The following CARS1 variants were observed in gnomAD, a reference collection of about 807,000 sequenced individuals.
The protein encoded by CARS1 is cysteinyl-tRNA synthetase 1.
In CARS1, 48 loss-of-function variants were observed where a neutral mutation model predicts 106.2. The observed-to-expected ratio is 0.45, with a 90% CI of 0.36 to 0.57. The LOEUF (loss-of-function observed/expected upper bound fraction) is 0.57. Ranked by LOEUF, CARS1 falls within the 20% of genes least tolerant of loss-of-function variation. CARS1 has a pLI of 0.00. For synonymous variants in CARS1, 409 were observed against 403.4 expected, an observed-to-expected ratio of 1.01 and a Z score of -0.17; for missense variants, 968 against 1,057.2, an observed-to-expected ratio of 0.92 and a Z score of 1.17.
In CARS1 at chr11:3,047,877, C is replaced by G. The variant is rs773191428; in HGVS notation, c.150G>C (p.Ala50=). 3 of 1,614,090 alleles carry G rather than the reference C, an allele frequency of 1.9e-6. No homozygotes were observed. The highest frequency in any genetic ancestry group is 1.7e-6 in the Non-Finnish European group (2 of 1,180,012). ...CGGGCGGGGCCGAGAGCTGCCTGAA[C>G]GCGTCCACGTCTGCCTGGGACAGTG... ...GYSLSQADVD[A]FRQLSAPPAD... Residue 50 remains alanine, a synonymous_variant, in exon 2 of 23, where the codon GCG becomes GCC. Coordinates refer to ENST00000380525, the MANE Select transcript of CARS1 (RefSeq NM_001014437.3).
In CARS1 at chr11:3,004,231, C is replaced by T. The variant is rs1248070101; in HGVS notation, c.2217+1135G>A. On this transcript the variant is annotated intron_variant, in intron 20 of 22. Transcript: ENST00000380525. This position sits in a 1 kb window ranked among gnomAD's most constrained non-coding sequence, Gnocchi z 5.2. ...TGCCAACCAGGATGGACCTGCAGAC[C>T]ACTCACCACTGTCTAGAGCTTTCCC... Among the ~76,000 whole-genome samples, 1 of 152,212 alleles carries T rather than the reference C, an allele frequency of 6.6e-6. No homozygotes were observed. The highest frequency in any genetic ancestry group is 6.5e-5 in the Admixed American group (1 of 15,282).
chr11:3,035,443 A>G (rs1391961538), intron 7 of CARS1, among the ~76,000 whole-genome samples: 1 of 152,238 alleles, frequency 6.6e-6, no homozygotes, highest in Non-Finnish European at 1.5e-5. Context: ...AATACACAGC[A>G]CACCCAAAAT....
At chr11:3,006,991 A>T (rs766904382) in intron 18 of CARS1, 32 bp from the exon 19 acceptor site, 2 of 1,574,096 alleles carry the variant, frequency 1.3e-6, no homozygotes. Context: ...TCCCTCAGAC[A>T]TGGAGGAGCC....
At position 3,018,426 on chromosome 11, in the gene CARS1, T is replaced by C. The variant is rs571697572; in HGVS notation, c.1611A>G (p.Gln537=). ...GACTCACATTCAAGAACTTCTCATA[T>C]TGAAGCGCTGACTCCATGGTGTTGC... ...YSSNTMESAL[Q]YEKFLNEFFL... is the part of the protein sequence containing the mutation. The change falls in exon 14 of 23, where the codon CAA becomes CAG. Residue 537 remains glutamine (Q), a synonymous_variant. Coordinates refer to ENST00000380525, the MANE Select transcript of CARS1 (RefSeq NM_001014437.3). 1.3e-4 allele frequency: 213 copies of C among 1,613,476 alleles called. No individual in the cohort carries two copies. In the South Asian group the frequency reaches 1.5e-3, roughly 11 times the overall value.
In CARS1 at chr11:3,037,048, A is replaced by T. The variant is rs536144428; in HGVS notation, c.801+1002T>A. On this transcript the variant is annotated intron_variant, in intron 7 of 22. Transcript: ENST00000380525. This position sits in a 1 kb window ranked among gnomAD's most constrained non-coding sequence, Gnocchi z 5.9. ...AATATTAGTGGAACAACTGGGAAAA[A>T]AATTACAGCAGCATTGTTGGTAAGA... 5.3e-5 allele frequency among the ~76,000 whole-genome samples: 8 copies of T among 152,350 alleles called. No homozygotes were observed. Among genetic ancestry groups the T allele is most frequent in the African/African-American group, 1.7e-4 (7 of 41,572 alleles).
At position 3,021,175 on chromosome 11, in the gene CARS1, A is replaced by G. The variant is rs917029223; in HGVS notation, c.1154-843T>C. Reference sequence around the variant, plus strand: ...CACTGCAGATTTCTCTCAACAATACATGCAGGACCAATGGAAAAGATTAGC... The same window carrying G: ...CACTGCAGATTTCTCTCAACAATACGTGCAGGACCAATGGAAAAGATTAGC... On this transcript the variant is annotated intron_variant, in intron 10 of 22. Coordinates refer to ENST00000380525, the MANE Select transcript of CARS1 (RefSeq NM_001014437.3). This position sits in a 1 kb window ranked among gnomAD's most constrained non-coding sequence, Gnocchi z 5.3. Among the ~76,000 whole-genome samples the G allele has an allele frequency of 6.6e-6, 1 of 152,346 alleles. No individual in the cohort carries two copies. The highest frequency in any genetic ancestry group is 6.5e-5 in the Admixed American group (1 of 15,308).
In CARS1 at chr11:3,043,861, C is replaced by T. The variant is rs540360479; in HGVS notation, c.275-1605G>A. 9.9e-5 allele frequency among the ~76,000 whole-genome samples: 15 copies of T among 152,128 alleles called. No homozygotes were observed. Among genetic ancestry groups the T allele is most frequent in the African/African-American group, 2.9e-4 (12 of 41,502 alleles). ...GGCAGGTGGGAGATGGGGCAGGAGACGGAGAGAGGGCCAGTGCTCAGCAGG... is the reference window on the plus strand; with the variant it reads ...GGCAGGTGGGAGATGGGGCAGGAGATGGAGAGAGGGCCAGTGCTCAGCAGG... On this transcript the variant is annotated intron_variant, in intron 2 of 22. Transcript: ENST00000380525. The surrounding 1 kb of genome is among the most constrained non-coding windows in gnomAD (Gnocchi z 4.0).
At position 3,040,932 on chromosome 11, in the gene CARS1, G is replaced by A; in HGVS notation, c.419C>T (p.Pro140Leu). The change falls in exon 4 of 23, where the codon CCA (proline) becomes CTA (leucine). Residue 140 changes from proline (P) to leucine (L), a missense_variant. Physicochemically the swap from Pro to Leu is moderately conservative, Grantham distance 98. Transcript: ENST00000380525. The surrounding 1 kb of genome is among the most constrained non-coding windows in gnomAD (Gnocchi z 5.8). ...CATGTGAGATGCGTCATAGACGGTT[G>A]GCCCACAGCAATACCACGTCACCTT... ...GKKVTWYCCG[P>L]TVYDASHMGH... 6.2e-7 allele frequency: 1 copy of A among 1,614,124 alleles called. No homozygotes were observed. The highest frequency in any genetic ancestry group is 1.3e-5 in the African/African-American group (1 of 75,002).
intron 7 of CARS1, among the ~76,000 whole-genome samples, chr11:3,036,611 C>A (rs181233319): frequency 6.6e-6 from 1 of 152,172 alleles, no homozygotes; most frequent in Non-Finnish European, 1.5e-5. Context: ...AGAAACAATA[C>A]GGTGGTTACG....
chr11:3,010,582 T>G (rs2134110112), intron 18 of CARS1, among the ~76,000 whole-genome samples: 1 of 152,348 alleles, frequency 6.6e-6, no homozygotes, highest in Admixed American at 6.5e-5. Flanking sequence ...AGGGGCTCAG[T>G]CAGGCCCAGG....
rs1186426377 is a variant in CARS1 at position 3,020,151 on chromosome 11, G to C, written c.1266+69C>G. On this transcript the variant is annotated intron_variant, in intron 11 of 22. Coordinates refer to ENST00000380525, the MANE Select transcript of CARS1 (RefSeq NM_001014437.3). The surrounding 1 kb of genome is among the most constrained non-coding windows in gnomAD (Gnocchi z 4.6). Reference sequence around the variant, plus strand: ...TCACACACAGAGCGGCCCTCTGCTGGGGGCCTGAGAGTGTGGCTGGCGCCA... The same window carrying C: ...TCACACACAGAGCGGCCCTCTGCTGCGGGCCTGAGAGTGTGGCTGGCGCCA... 47 of 925,834 alleles carry C rather than the reference G, an allele frequency of 5.1e-5. No homozygotes were observed. The highest frequency in any genetic ancestry group is 7.7e-5 in the Non-Finnish European group (43 of 555,620). 57.4% of individuals were successfully genotyped at this position (925,834 alleles called of 1,614,324 possible). A position where few individuals can be genotyped will look rare whatever the true frequency, so the allele number is the denominator to read the frequency against.
In CARS1 at chr11:3,055,105, A is replaced by C. The variant is rs1012698487; in HGVS notation, c.25+2238T>G. 4 of 609,626 alleles carry C rather than the reference A, an allele frequency of 6.6e-6. No homozygotes were observed. In the African/African-American group the frequency reaches 7.4e-5, roughly 11 times the overall value. 37.8% of individuals were successfully genotyped at this position (609,626 alleles called of 1,614,324 possible). On this transcript the variant is annotated intron_variant, in intron 1 of 22. Transcript: ENST00000380525. ...TGAGTCAACTTAGGGAAGATGGTAC[A>C]AAAATGATGGCCTCCTTGAAAAATC...
chr11:3,019,175 C>A lies in CARS1; in HGVS notation c.1359G>T (p.Arg453=). 6.5e-7 allele frequency: 1 copy of A among 1,527,400 alleles called. No homozygotes were observed. Among genetic ancestry groups the A allele is most frequent in the Admixed American group, 2.3e-5 (1 of 43,742 alleles). The allele number at this position is 1,527,400 out of a possible 1,614,324, so 94.6% of individuals were successfully genotyped here. The stretch of plus-strand genomic sequence containing the variant: ...CCAGCTCATTGTCATGGTGGGGGAA[C>A]CGGAGGTCGAACCCACCTCCGTGAA... ...MDIHGGGFDL[R]FPHHDNELAQ... The change falls in exon 12 of 23, where the codon CGG becomes CGT. Residue 453 remains arginine, a synonymous_variant. Transcript: ENST00000380525. The surrounding 1 kb of genome is among the most constrained non-coding windows in gnomAD (Gnocchi z 6.2).
chr11:3,048,404 T>C lies in CARS1; in HGVS notation c.26-403A>G, dbSNP rs1232435259. Reference sequence around the variant, plus strand: ...TTCCACACCATCACAAATTACACAGTTCAGTTTCTGACATTTGGGGAAATC... The same window carrying C: ...TTCCACACCATCACAAATTACACAGCTCAGTTTCTGACATTTGGGGAAATC... On this transcript the variant is annotated intron_variant, in intron 1 of 22. Transcript: ENST00000380525. The surrounding 1 kb of genome is among the most constrained non-coding windows in gnomAD (Gnocchi z 5.1). 3 of 166,146 alleles carry C rather than the reference T, an allele frequency of 1.8e-5. No individual in the cohort carries two copies. Among genetic ancestry groups the C allele is most frequent in the Non-Finnish European group, 2.6e-5 (2 of 75,984 alleles). The allele number at this position is 166,146 out of a possible 1,614,324, so 10.3% of individuals were successfully genotyped here. A position where few individuals can be genotyped will look rare whatever the true frequency, so the allele number is the denominator to read the frequency against.
chr11:3,018,289 C>T, intron 14 of CARS1, 119 bp downstream of exon 14: 2 of 686,502 alleles, frequency 2.9e-6, no homozygotes, highest in South Asian at 3.7e-5. Context: ...TGCTTCCACC[C>T]ATGTGCTGGT....
chr11:3,010,716 C>T (rs2134110776), intron 18 of CARS1, among the ~76,000 whole-genome samples: 1 of 152,346 alleles, frequency 6.6e-6, no homozygotes, highest in South Asian at 2.1e-4. Flanking sequence ...TCTTTCCTGC[C>T]CTCCTGCCTC....
chr11:3,010,040 C>G (rs1480999519), intron 18 of CARS1, among the ~76,000 whole-genome samples: 1 of 152,196 alleles, frequency 6.6e-6, no homozygotes, highest in Non-Finnish European at 1.5e-5. Flanking sequence ...GGATCACCAC[C>G]ATCTTAACCT....
In CARS1 at chr11:3,017,516, G is replaced by A. The variant is rs1462759467; in HGVS notation, c.1728-221C>T. 3 of 573,382 alleles carry A rather than the reference G, an allele frequency of 5.2e-6. No homozygotes were observed. Among genetic ancestry groups the A allele is most frequent in the Non-Finnish European group, 9.3e-6 (3 of 322,874 alleles). The allele number at this position is 573,382 out of a possible 1,614,324, so 35.5% of individuals were successfully genotyped here. ...AAATTAGCCAGGTATGGTGGCGCAT[G>A]CCTGTAACCCCAGCTACTCGGGAGG... is the stretch of plus-strand genomic sequence containing the variant. On this transcript the variant is annotated intron_variant, in intron 15 of 22. Transcript: ENST00000380525. This position sits in a 1 kb window ranked among gnomAD's most constrained non-coding sequence, Gnocchi z 4.9.
rs1853416455 is a variant in CARS1, at chr11:3,034,938, G to A, written c.801+3112C>T. Among the ~76,000 whole-genome samples the A allele has an allele frequency of 1.3e-5, 2 of 152,174 alleles. No homozygotes were observed. The highest frequency in any genetic ancestry group is 2.1e-4 in the South Asian group (1 of 4,830). On this transcript the variant is annotated intron_variant, in intron 7 of 22. Coordinates refer to ENST00000380525, the MANE Select transcript of CARS1 (RefSeq NM_001014437.3). This position sits in a 1 kb window ranked among gnomAD's most constrained non-coding sequence, Gnocchi z 6.3. ...TGTTCTGGGCCTTCTTGCTGGTGGGGACTTTTCCCAGAGTCCCAAGGTGGC... is the reference window on the plus strand; with the variant it reads ...TGTTCTGGGCCTTCTTGCTGGTGGGAACTTTTCCCAGAGTCCCAAGGTGGC...
Sources: gnomAD v4.1 joint callset for allele counts (sites outside exome capture counted in the v4.1 genomes callset) on GRCh38, gnomAD v4.1.1 for gene constraint, Gnocchi (gnomAD v3.1) non-coding constraint, MANE v1.5 for transcripts, NCBI Gene and HGNC (gene_info 2026-07-23, HGNC 2026-07-21) for gene names.